The following SEPTIN9 variants were observed in gnomAD, a reference collection of about 807,000 sequenced individuals.
SEPTIN9 encodes the protein septin 9, also known as septin-9.
Under a neutral mutation model 56.6 loss-of-function variants are expected in SEPTIN9, and 13 were observed. The ratio of observed to expected loss-of-function variants is 0.23; its 90% CI spans 0.15 to 0.37. The LOEUF is 0.37. SEPTIN9 is among the 10% of genes least tolerant of loss of function. The probability of loss-of-function intolerance (pLI) is 1.00; values close to 1 mark genes in which losing one functional copy is unlikely to be tolerated. For missense variants in SEPTIN9, 650 were observed against 823.1 expected (o/e 0.79, Z 2.57); for synonymous variants, 332 against 334.1 (o/e 0.99, Z 0.07).
intron 2 of SEPTIN9, among the ~76,000 whole-genome samples, chr17:77,373,027 C>T (rs1382472775): frequency 1.3e-5 from 2 of 151,794 alleles, no homozygotes; most frequent in Non-Finnish European, 2.9e-5. Context: ...TCGCCATGGC[C>T]CGGCCTCCAC....
chr17:77,364,626 G>C (rs977188548), intron 2 of SEPTIN9, among the ~76,000 whole-genome samples: 1 of 152,196 alleles, frequency 6.6e-6, no homozygotes, highest in African/African-American at 2.4e-5. Flanking sequence ...AGGGCTGGGG[G>C]CTTGCCAGCC....
intron 3 of SEPTIN9, among the ~76,000 whole-genome samples, chr17:77,458,320 C>T (rs1241089629): frequency 2.0e-5 from 3 of 152,220 alleles, no homozygotes; most frequent in African/African-American, 7.2e-5. Context: ...GGTCCACAGC[C>T]AGGACTGTGA....
At chr17:77,409,601 A>G (rs1052963791) in intron 3 of SEPTIN9, among the ~76,000 whole-genome samples, 1 of 152,160 alleles carries the variant, frequency 6.6e-6, no homozygotes, top group Non-Finnish European at 1.5e-5. Context: ...TGGCCCCAGG[A>G]TGGAGCCCCG....
At chr17:77,438,323 G>A (rs1030050115) in intron 3 of SEPTIN9, among the ~76,000 whole-genome samples, 3 of 152,162 alleles carry the variant, frequency 2.0e-5, no homozygotes, top group South Asian at 2.1e-4. Flanking sequence ...TCGAACCCAC[G>A]CAGGCAGCCT....
At chr17:77,426,349 C>T (rs1008684791) in intron 3 of SEPTIN9, among the ~76,000 whole-genome samples, 3 of 152,156 alleles carry the variant, frequency 2.0e-5, no homozygotes, top group African/African-American at 7.2e-5. Flanking sequence ...CCCCGAGCCC[C>T]CGGAGGCATG....
At chr17:77,320,342 AT>A in intron 2 of SEPTIN9, 1 of 1,612,980 alleles carries the variant, frequency 6.2e-7, no homozygotes, top group Non-Finnish European at 8.5e-7. Context: ...GAGGGACCGG[AT>A]CTCAGGTACG....
chr17:77,335,683 TA>T (rs1231623573), intron 2 of SEPTIN9, among the ~76,000 whole-genome samples: 1 of 118,262 alleles, frequency 8.5e-6, no homozygotes, highest in East Asian at 2.8e-4. Context: ...GTTGACTGTA[TA>T]TGTGGTCCTG....
intron 2 of SEPTIN9, among the ~76,000 whole-genome samples, chr17:77,335,323 A>G (rs900584931): frequency 1.0e-4 from 15 of 145,506 alleles, no homozygotes; most frequent in Admixed American, 4.8e-4. Context: ...TGTAGGCCCC[A>G]TGTTGACTGT....
intron 1 of SEPTIN9, among the ~76,000 whole-genome samples, chr17:77,290,418 C>T (rs890464414): frequency 4.0e-5 from 6 of 151,842 alleles, no homozygotes; most frequent in African/African-American, 1.2e-4. Flanking sequence ...CCCCCACGCC[C>T]GGCTAATTTT....
intron 3 of SEPTIN9, among the ~76,000 whole-genome samples, chr17:77,473,621 C>G (rs963701447): frequency 6.6e-6 from 1 of 152,218 alleles, no homozygotes; most frequent in Non-Finnish European, 1.5e-5. Context: ...CTTTACTTTT[C>G]ACCAGAGGTT....
In SEPTIN9 at chr17:77,486,517, TGTGTGCGCGCAC is replaced by T. The variant is rs747002758; in HGVS notation, c.914-905_914-894del. On this transcript the variant is annotated intron_variant, in intron 4 of 11. Transcript: ENST00000427177. ...GTGTGTGTGTGTGTGTGTGTGTGTG[TGTGTGCGCGCAC>T]GCGCGCGCGTGTTATATGTGATTTG... Among the ~76,000 whole-genome samples the T allele has an allele frequency of 9.8e-4, 90 of 92,298 alleles. 1 individual carries two copies. In the East Asian group the frequency reaches 0.012, roughly 12 times the overall value. The allele number at this position is 92,298 out of a possible 152,430, so 60.6% of individuals were successfully genotyped here.
rs971358467 is a variant in SEPTIN9, at chr17:77,292,934, G to A, written c.19+11380G>A. Among the ~76,000 whole-genome samples the A allele has an allele frequency of 2.6e-5, 4 of 152,084 alleles. No homozygotes were observed. In the South Asian group the frequency reaches 8.3e-4, roughly 31 times the overall value. On this transcript the variant is annotated intron_variant, in intron 1 of 11. Transcript: ENST00000427177. ...ATCTGCTCACCTTTCTCATGCATGC[G>A]GTTTGTTCATAGGGTATGTAATGGG...
chr17:77,490,495 T>C (rs2039978209), intron 7 of SEPTIN9, among the ~76,000 whole-genome samples: 1 of 152,064 alleles, frequency 6.6e-6, no homozygotes, highest in Non-Finnish European at 1.5e-5. Context: ...TGGACGAGGG[T>C]GCTTGGAGCT....
At chr17:77,454,229 G>A (rs1316601022) in intron 3 of SEPTIN9, 60 of 985,406 alleles carry the variant, frequency 6.1e-5, no homozygotes, top group Admixed American at 2.5e-4. Flanking sequence ...GGCTCCCAGC[G>A]TCCCACAGCC....
At chr17:77,349,115 G>A (rs571683052) in intron 2 of SEPTIN9, among the ~76,000 whole-genome samples, 1 of 149,830 alleles carries the variant, frequency 6.7e-6, no homozygotes, top group African/African-American at 2.5e-5. Context: ...TTTTATTTTT[G>A]AGACAGAGTC....
chr17:77,386,519 T>A (rs1272278266), intron 2 of SEPTIN9, among the ~76,000 whole-genome samples: 2 of 151,876 alleles, frequency 1.3e-5, no homozygotes, highest in Non-Finnish European at 2.9e-5. Context: ...GGGGTGGGGG[T>A]ACCTTGCTCA....
chr17:77,310,860 C>A lies in SEPTIN9; in HGVS notation c.76+3663C>A, dbSNP rs1205664136. Among the ~76,000 whole-genome samples, 1 of 152,190 alleles carries A rather than the reference C, an allele frequency of 6.6e-6. No homozygotes were observed. The highest frequency in any genetic ancestry group is 2.4e-5 in the African/African-American group (1 of 41,450). On this transcript the variant is annotated intron_variant, in intron 2 of 11. Coordinates refer to ENST00000427177, the MANE Select transcript of SEPTIN9 (RefSeq NM_001113491.2). This position sits in a 1 kb window ranked among gnomAD's most constrained non-coding sequence, Gnocchi z 4.7. The stretch of plus-strand genomic sequence containing the variant: ...TGGAGCCAACTCCTCTGCCTGACAT[C>A]CCGTGTCGCTAGGTCCTGCTCTTCC...
chr17:77,334,223 C>G (rs1009717107), intron 2 of SEPTIN9, among the ~76,000 whole-genome samples: 3 of 151,746 alleles, frequency 2.0e-5, no homozygotes, highest in African/African-American at 7.3e-5. Context: ...GAGATCAAGA[C>G]CATCCTGGCT....
intron 3 of SEPTIN9, among the ~76,000 whole-genome samples, chr17:77,480,767 G>T (rs577077927): frequency 6.6e-6 from 1 of 152,192 alleles, no homozygotes; most frequent in Non-Finnish European, 1.5e-5. Flanking sequence ...GCCTGGGAGC[G>T]TGCCGTGTGG....
Sources: allele counts gnomAD v4.1 joint callset (sites outside exome capture counted in the v4.1 genomes callset), GRCh38; gene constraint gnomAD v4.1.1; non-coding constraint Gnocchi (gnomAD v3.1); transcripts MANE v1.5; gene names NCBI Gene and HGNC (gene_info 2026-07-23, HGNC 2026-07-21).